The following CDC42BPA variants were observed in gnomAD, a reference collection of about 807,000 sequenced individuals.
The protein encoded by CDC42BPA is serine/threonine-protein kinase MRCK alpha.
A neutral mutation model predicts 223.5 loss-of-function variants in CDC42BPA; 80 were observed. The ratio of observed to expected loss-of-function variants is 0.36; its 90% CI spans 0.30 to 0.43. The LOEUF is 0.43. CDC42BPA is among the 20% of genes least tolerant of loss of function. The probability of loss-of-function intolerance (pLI) is 1.00; values close to 1 mark genes in which losing one functional copy is unlikely to be tolerated. For synonymous variants in CDC42BPA, 694 were observed against 718.6 expected, an observed-to-expected ratio of 0.97 and a Z score of 0.55; for missense variants, 1,743 against 2,099.9, an observed-to-expected ratio of 0.83 and a Z score of 3.32.
chr1:227,275,856 G>A (rs1686879760), intron 1 of CDC42BPA, among the ~76,000 whole-genome samples: 1 of 152,172 alleles, frequency 6.6e-6, no homozygotes, highest in African/African-American at 2.4e-5. Flanking sequence ...TGCCCGCCTG[G>A]GCCTCCCGAG....
intron 5 of CDC42BPA, among the ~76,000 whole-genome samples, chr1:227,186,748 G>A (rs1023743643): frequency 2.0e-5 from 3 of 152,162 alleles, no homozygotes; most frequent in Non-Finnish European, 4.4e-5. Context: ...AGCAGTCTGA[G>A]CTATGTGAGG....
At chr1:227,298,087 GTTTTT>G (rs112464502) in intron 1 of CDC42BPA, among the ~76,000 whole-genome samples, 2 of 148,636 alleles carry the variant, frequency 1.3e-5, no homozygotes, top group Non-Finnish European at 3.0e-5. Context: ...TATATACAAT[GTTTTT>G]TTTTATCTGT....
chr1:227,099,552 A>AC (rs1684621780), intron 15 of CDC42BPA, among the ~76,000 whole-genome samples: 1 of 152,186 alleles, frequency 6.6e-6, no homozygotes, highest in Non-Finnish European at 1.5e-5. Context: ...ACTCAGAATA[A>AC]GAAACTATGC....
At chr1:227,010,174 A>G (rs6659424) in intron 34 of CDC42BPA, among the ~76,000 whole-genome samples, 57,337 of 152,060 alleles carry the variant, frequency 0.38, 11,479 homozygotes, top group Non-Finnish European at 0.46. Context: ...TGGTAGCAAA[A>G]ATACAAGCTG....
In CDC42BPA at chr1:227,317,536, CCTT is replaced by C. The variant is rs1204994831; in HGVS notation, c.-357_-355del. 1.5e-5 allele frequency: 6 copies of C among 397,762 alleles called. No homozygotes were observed. Among genetic ancestry groups the C allele is most frequent in the African/African-American group, 4.1e-5 (2 of 48,426 alleles). The allele number at this position is 397,762 out of a possible 1,614,324, so 24.6% of individuals were successfully genotyped here. On this transcript the variant is annotated 5_prime_UTR_variant, in exon 1 of 37. Transcript: ENST00000366766. ...TAAAAAAAAAAAAAAAAACTCTTCT[CCTT>C]CATTCAAAATTCAACTCGTGCAACG...
chr1:227,289,682 T>G (rs1185263813), intron 1 of CDC42BPA, among the ~76,000 whole-genome samples: 2 of 152,106 alleles, frequency 1.3e-5, no homozygotes, highest in African/African-American at 2.4e-5. Context: ...TAAATATCTG[T>G]TAAAATAAAT....
intron 21 of CDC42BPA, among the ~76,000 whole-genome samples, chr1:227,064,768 A>C (rs1348336652): frequency 6.6e-6 from 1 of 152,058 alleles, no homozygotes; most frequent in Non-Finnish European, 1.5e-5. Context: ...TTCTCAAGAG[A>C]CCACTTATCA....
intron 2 of CDC42BPA, among the ~76,000 whole-genome samples, chr1:227,237,494 A>G (rs958499178): frequency 2.0e-5 from 3 of 152,226 alleles, no homozygotes; most frequent in Non-Finnish European, 4.4e-5. Flanking sequence ...ACTTTACAAT[A>G]CATTCTGGAG....
intron 5 of CDC42BPA, among the ~76,000 whole-genome samples, chr1:227,169,815 T>C (rs1211580844): frequency 6.6e-6 from 1 of 152,212 alleles, no homozygotes; most frequent in Non-Finnish European, 1.5e-5. Flanking sequence ...CTTTGTGCTA[T>C]GCTCAGATTT....
intron 23 of CDC42BPA, among the ~76,000 whole-genome samples, chr1:227,044,892 T>A (rs890418173): frequency 1.3e-5 from 2 of 152,236 alleles, no homozygotes; most frequent in Non-Finnish European, 2.9e-5. Context: ...CCTCGACTTT[T>A]ACCTTTCTGT....
intron 12 of CDC42BPA, among the ~76,000 whole-genome samples, chr1:227,116,378 G>C (rs1479436453): frequency 4.6e-5 from 7 of 152,082 alleles, no homozygotes; most frequent in African/African-American, 1.7e-4. Context: ...TAAATAAAAG[G>C]TATTAACAAA....
At chr1:227,222,122 A>C (rs1009728090) in intron 2 of CDC42BPA, among the ~76,000 whole-genome samples, 1 of 150,706 alleles carries the variant, frequency 6.6e-6, no homozygotes, top group Non-Finnish European at 1.5e-5. Context: ...GATCCCAGCT[A>C]CTTGGGAGGC....
At chr1:227,180,688 C>T (rs998137618) in intron 5 of CDC42BPA, 1 of 152,202 alleles carries the variant, frequency 6.6e-6, no homozygotes, top group African/African-American at 2.4e-5. Flanking sequence ...CTACGTAGTG[C>T]TGAAAAACAC....
chr1:227,084,290 G>C (rs1681352266), intron 16 of CDC42BPA, among the ~76,000 whole-genome samples: 1 of 152,158 alleles, frequency 6.6e-6, no homozygotes, highest in Non-Finnish European at 1.5e-5. Context: ...CACTTTGGGA[G>C]GCCAAGGTGG....
intron 1 of CDC42BPA, among the ~76,000 whole-genome samples, chr1:227,254,916 A>G (rs991533342): frequency 6.6e-6 from 1 of 152,178 alleles, no homozygotes; most frequent in African/African-American, 2.4e-5. Flanking sequence ...AGAGGGAACA[A>G]TATAAGCAAA....
rs1191728261 is a variant in CDC42BPA, at chr1:227,112,740, C to T, written c.1821G>A (p.Val607=). ...ARHVRDKEEE[V]DLVMQKVESL... Reference sequence around the variant, plus strand: ...TTTCAACTTTTTGCATCACCAGGTCCACCTCTTCTTCCTTATCTCGGACAT... The same window carrying T: ...TTTCAACTTTTTGCATCACCAGGTCTACCTCTTCTTCCTTATCTCGGACAT... Residue 607 remains valine (V), a synonymous_variant, in exon 13 of 37, where the codon GTG becomes GTA. Coordinates refer to ENST00000366766, the MANE Select transcript of CDC42BPA (RefSeq NM_001394014.1). 4.3e-6 allele frequency: 7 copies of T among 1,613,940 alleles called. No individual in the cohort carries two copies. Among genetic ancestry groups the T allele is most frequent in the Non-Finnish European group, 5.1e-6 (6 of 1,179,992 alleles).
At position 227,186,088 on chromosome 1, in the gene CDC42BPA, C is replaced by T. The variant is rs372907545; in HGVS notation, c.599+7698G>A. On this transcript the variant is annotated intron_variant, in intron 5 of 36. Transcript: ENST00000366766. ...CCACAGCAGAAACCTTGCAGAGAACCAGTGCCTGGTTAGGAAAACCTAAAC... is the reference window on the plus strand; with the variant it reads ...CCACAGCAGAAACCTTGCAGAGAACTAGTGCCTGGTTAGGAAAACCTAAAC... Among the ~76,000 whole-genome samples the T allele has an allele frequency of 4.6e-5, 7 of 152,304 alleles. No individual in the cohort carries two copies. In the South Asian group the frequency reaches 1.5e-3, roughly 32 times the overall value.
intron 10 of CDC42BPA, among the ~76,000 whole-genome samples, chr1:227,134,403 A>G (rs1658069970): frequency 6.6e-6 from 1 of 152,190 alleles, no homozygotes; most frequent in Non-Finnish European, 1.5e-5. Context: ...ATATCTGGCG[A>G]TCCTAAACTA....
chr1:227,243,736 C>G (rs1385746633), intron 2 of CDC42BPA, among the ~76,000 whole-genome samples: 5 of 149,194 alleles, frequency 3.4e-5, no homozygotes, highest in Non-Finnish European at 5.9e-5. Flanking sequence ...AGGGAAATGC[C>G]AAGCCACGGA....
Sources: allele counts gnomAD v4.1 joint callset (sites outside exome capture counted in the v4.1 genomes callset), GRCh38; gene constraint gnomAD v4.1.1; transcripts MANE v1.5; gene names NCBI Gene and HGNC (gene_info 2026-07-23, HGNC 2026-07-21).